MST1: variants seen among roughly 807,000 people sequenced by gnomAD.
MST1 encodes macrophage stimulating 1.
A neutral mutation model predicts 100.1 loss-of-function variants in MST1; 76 were observed. The observed-to-expected ratio is 0.76, with a 90% CI of 0.63 to 0.92. MST1 has a LOEUF of 0.92. Among genes scored for constraint, MST1 ranks in the 40% least tolerant of loss-of-function variants. The pLI is 0.00. For missense variants in MST1, 850 were observed against 990.0 expected (o/e 0.86, Z 1.90); for synonymous variants, 352 against 385.4 (o/e 0.91, Z 1.01).
rs1336545300 is a variant in MST1, at chr3:49,687,566, G to A, written c.345C>T (p.Phe115=). Residue 115 remains phenylalanine (F), a synonymous_variant, in exon 3 of 18, where the codon TTC becomes TTT. Transcript: ENST00000449682. ...RLRRSGRCDL[F]QKKDYVRTCI... is the part of the protein sequence containing the mutation. The stretch of plus-strand genomic sequence containing the variant: ...TCCACCCCCACTTGCCTTTCTTCTG[G>A]AAGAGGTCACAGCGCCCAGAACGCC... 1 of 1,613,508 alleles carries A rather than the reference G, an allele frequency of 6.2e-7. No homozygotes were observed. Among genetic ancestry groups the A allele is most frequent in the East Asian group, 2.2e-5 (1 of 44,886 alleles).
chr3:49,684,867 C>T lies in MST1; in HGVS notation c.1640G>A (p.Gly547Asp). Residue 547 changes from glycine to aspartate, a missense_variant, in exon 15 of 18, where the codon GGC becomes GAC. Physicochemically the swap from Gly to Asp is moderately conservative, Grantham distance 94. Around this residue, in one of 2 missense-constraint regions of MST1, gnomAD observed 816 missense variants for 924.6 expected, o/e 0.88. Transcript: ENST00000449682. ...CFSSCHMPLTGYEVWLGTLFQ... is the reference protein window; with the variant it reads ...CFSSCHMPLTDYEVWLGTLFQ... ...CAGGGTGCCCAACCATACCTCATAG[C>T]CCGTGAGAGGCATATGGCTGGGAGA... The T allele has an allele frequency of 6.2e-7, 1 of 1,613,496 alleles. No homozygotes were observed. Among genetic ancestry groups the T allele is most frequent in the Non-Finnish European group, 8.5e-7 (1 of 1,179,746 alleles).
At position 49,684,126 on chromosome 3, in the gene MST1, T is replaced by C. The variant is rs1369419373; in HGVS notation, c.2080A>G (p.Ile694Val). 3.1e-6 allele frequency: 5 copies of C among 1,613,508 alleles called. No individual in the cohort carries two copies. In the South Asian group the frequency reaches 3.3e-5, roughly 11 times the overall value. The change falls in exon 18 of 18, where the codon ATC (isoleucine) becomes GTC (valine). Residue 694 changes from isoleucine (I) to valine (V), a missense_variant. This residue lies in a region of MST1 where 816 missense variants were observed against 924.6 expected (regional missense o/e 0.88). Transcript: ENST00000449682. Reference protein sequence around the residue: ...HNCWVLEGIIIPNRVCARSRW... With the variant: ...HNCWVLEGIIVPNRVCARSRW... ...GACCTTGCGCATACTCGGTTGGGGA[T>C]TATAATTCCTTCCAGGACCCAGCAG...
rs575861028 is a variant in MST1, at chr3:49,687,589, G to C, written c.322C>G (p.Arg108Gly). 1 of 1,613,414 alleles carries C rather than the reference G, an allele frequency of 6.2e-7. No homozygotes were observed. The highest frequency in any genetic ancestry group is 8.5e-7 in the Non-Finnish European group (1 of 1,179,868). ...TQHSPHTRLR[R>G]SGRCDLFQKK... ...TGGAAGAGGTCACAGCGCCCAGAAC[G>C]CCGCAGCCTCGTGTGGGGCGAGTGT... The change falls in exon 3 of 18, where the codon CGT (arginine) becomes GGT (glycine). Residue 108 changes from arginine (R) to glycine (G), a missense_variant. Physicochemically the swap from Arg to Gly is moderately radical, Grantham distance 125. Around this residue, in one of 2 missense-constraint regions of MST1, gnomAD observed 816 missense variants for 924.6 expected, o/e 0.88. Transcript: ENST00000449682.
intron 8 of MST1, 22 bp from the exon 9 acceptor site, chr3:49,686,214 C>T (rs1472476126): frequency 6.8e-6 from 11 of 1,610,572 alleles, no homozygotes; most frequent in Non-Finnish European, 9.3e-6. Context: ...CTCCACTCAG[C>T]CCTAGCCCGC....
intron 17 of MST1, 39 bp downstream of exon 17, chr3:49,684,275 C>G (rs1445025729): frequency 1.2e-6 from 2 of 1,611,946 alleles, no homozygotes; most frequent in Non-Finnish European, 1.7e-6. Flanking sequence ...TCTAGCCCCC[C>G]ATACCCTTCC....
Position 49,684,972 on chromosome 3 carries a change from G to A in MST1, c.1622+40C>T, listed in dbSNP as rs749623546. 1.9e-6 allele frequency: 3 copies of A among 1,612,948 alleles called. No individual in the cohort carries two copies. In the African/African-American group the frequency reaches 4.0e-5, roughly 22 times the overall value. On this transcript the variant is annotated intron_variant, in intron 14 of 17. Transcript: ENST00000449682. ...TTAGCTTGCCTGGGGAAGGGGGAAGGTGGGATGAGACTGGGTCCCCAAACA... is the reference window on the plus strand; with the variant it reads ...TTAGCTTGCCTGGGGAAGGGGGAAGATGGGATGAGACTGGGTCCCCAAACA...
chr3:49,686,013 G>A (rs762510641), intron 9 of MST1, 49 bp downstream of exon 9: 20 of 1,604,114 alleles, frequency 1.2e-5, no homozygotes, highest in Non-Finnish European at 1.4e-5. Flanking sequence ...CCGGCCCTCC[G>A]GTTCCAGGCT....
rs537579759 is a variant in MST1, at chr3:49,686,173, A to C, written c.1036T>G (p.Cys346Gly). 1.2e-6 allele frequency: 2 copies of C among 1,611,666 alleles called. No individual in the cohort carries two copies. The change falls in exon 9 of 18, where the codon TGC becomes GGC. Residue 346 changes from cysteine (C) to glycine (G), a missense_variant. Cys to Gly is a radical substitution (Grantham distance 159). Transcript: ENST00000449682. ...GCCTCTGAGCCGTCGGGGTTCCGGCAGAAGTTCTCCCGAAGGTCTCTAAGC... is the reference window on the plus strand; with the variant it reads ...GCCTCTGAGCCGTCGGGGTTCCGGCCGAAGTTCTCCCGAAGGTCTCTAAGC... ...YACKDLRENF[C>G]RNPDGSEAPW...
rs374107951 is a variant in MST1 at position 49,688,532 on chromosome 3, T to C, written c.94+66A>G. 6.9e-6 allele frequency: 11 copies of C among 1,587,364 alleles called. No homozygotes were observed. In the East Asian group the frequency reaches 9.0e-5, roughly 13 times the overall value. ...TGGCTCCCCGACTTTTTTCTCATCCTAGAATAGGAGAATGGGGCCAACCCC... is the reference window on the plus strand; with the variant it reads ...TGGCTCCCCGACTTTTTTCTCATCCCAGAATAGGAGAATGGGGCCAACCCC... On this transcript the variant is annotated intron_variant, in intron 1 of 17. Transcript: ENST00000449682.
chr3:49,685,067 C>T lies in MST1; in HGVS notation c.1567G>A (p.Gly523Arg), dbSNP rs201558559. The T allele has an allele frequency of 3.7e-6, 6 of 1,611,420 alleles. No homozygotes were observed. The highest frequency in any genetic ancestry group is 4.2e-6 in the Non-Finnish European group (5 of 1,179,082). The change falls in exon 14 of 18, where the codon GGG becomes AGG. Residue 523 changes from glycine (G) to arginine (R), a missense_variant. Physicochemically the swap from Gly to Arg is moderately radical, Grantham distance 125 (BLOSUM62 -2). Around this residue, in one of 2 missense-constraint regions of MST1, gnomAD observed 816 missense variants for 924.6 expected, o/e 0.88. Transcript: ENST00000449682. ...RNRQGQHFCG[G>R]SLVKEQWILT... ...ATCCACTGCTCCTTCACTAGAGACC[C>T]CCCGCAGAAATGCTGGCCCTGCCTA... is the stretch of plus-strand genomic sequence containing the variant.
Position 49,684,955 on chromosome 3 carries a change from C to T in MST1, c.1622+57G>A, listed in dbSNP as rs1229561390. ...GCCCCAAGGCTCACTTGTTAGCTTG[C>T]CTGGGGAAGGGGGAAGGTGGGATGA... On this transcript the variant is annotated intron_variant, in intron 14 of 17. Coordinates refer to ENST00000449682, the MANE Select transcript of MST1 (RefSeq NM_020998.4). 3.7e-6 allele frequency: 6 copies of T among 1,613,178 alleles called. No individual in the cohort carries two copies. The East Asian group carries it at 1.3e-4, about 36-fold the overall frequency.
rs377644714 is a variant in MST1, at chr3:49,687,591, C to A, written c.320G>T (p.Arg107Leu). The change falls in exon 3 of 18, where the codon CGG becomes CTG. Residue 107 changes from arginine to leucine, a missense_variant. Coordinates refer to ENST00000449682, the MANE Select transcript of MST1 (RefSeq NM_020998.4). Reference protein sequence around the residue: ...WTQHSPHTRLRRSGRCDLFQK... With the variant: ...WTQHSPHTRLLRSGRCDLFQK... The stretch of plus-strand genomic sequence containing the variant: ...GAAGAGGTCACAGCGCCCAGAACGC[C>A]GCAGCCTCGTGTGGGGCGAGTGTTG... 5.0e-6 allele frequency: 8 copies of A among 1,613,420 alleles called. No homozygotes were observed. The highest frequency in any genetic ancestry group is 6.8e-6 in the Non-Finnish European group (8 of 1,179,868).
At position 49,685,462 on chromosome 3, in the gene MST1, A is replaced by G. The variant is rs375173826; in HGVS notation, c.1423+9T>C. 17 of 1,613,396 alleles carry G rather than the reference A, an allele frequency of 1.1e-5. No homozygotes were observed. Among genetic ancestry groups the G allele is most frequent in the Non-Finnish European group, 1.4e-5 (16 of 1,179,804 alleles). On this transcript the variant is annotated intron_variant, in intron 12 of 17. Coordinates refer to ENST00000449682, the MANE Select transcript of MST1 (RefSeq NM_020998.4). ...AAGGGCCTGACCCATAACTGGCCCA[A>G]CTCCTAACCTGGGGGGTCCAGGATT...
At chr3:49,686,860 C>A in intron 6 of MST1, 58 bp from the exon 7 acceptor site, 1 of 1,612,232 alleles carries the variant, frequency 6.2e-7, no homozygotes, top group Non-Finnish European at 8.5e-7. Flanking sequence ...TCTGGCCCCG[C>A]CCAATTGCCC....
At chr3:49,685,211 G>A in intron 13 of MST1, 51 bp downstream of exon 13, 1 of 1,610,182 alleles carries the variant, frequency 6.2e-7, no homozygotes, top group Non-Finnish European at 8.5e-7. Flanking sequence ...GATAACCACA[G>A]AGGACACAAC....
chr3:49,687,917 G>A lies in MST1; in HGVS notation c.95-20C>T, dbSNP rs533280984. 9 of 1,609,808 alleles carry A rather than the reference G, an allele frequency of 5.6e-6. No homozygotes were observed. The East Asian group carries it at 1.8e-4, about 32-fold the overall frequency. Reference sequence around the variant, plus strand: ...GCTGCCCTGCAGAGTAGGCATGAGTGGGTGCAGGTCAGGTGGGCATACATG... The same window carrying A: ...GCTGCCCTGCAGAGTAGGCATGAGTAGGTGCAGGTCAGGTGGGCATACATG... On this transcript the variant is annotated intron_variant, in intron 1 of 17. Coordinates refer to ENST00000449682, the MANE Select transcript of MST1 (RefSeq NM_020998.4).
At position 49,684,725 on chromosome 3, in the gene MST1, G is replaced by T. The variant is rs1419077954; in HGVS notation, c.1769+13C>A. The T allele has an allele frequency of 6.2e-7, 1 of 1,613,194 alleles. No homozygotes were observed. Among genetic ancestry groups the T allele is most frequent in the African/African-American group, 1.3e-5 (1 of 74,922 alleles). On this transcript the variant is annotated intron_variant, in intron 15 of 17. Transcript: ENST00000449682. ...CCAGCCCCACCTCACACCCTCCCAG[G>T]TTGTCCACATACCTCTCCAGCTTGA...
chr3:49,686,423 A>G lies in MST1; in HGVS notation c.906T>C (p.Gly302=). Residue 302 remains glycine, a synonymous_variant, in exon 8 of 18, where the codon GGT becomes GGC. Coordinates refer to ENST00000449682, the MANE Select transcript of MST1 (RefSeq NM_020998.4). ...TATTGGCTGTGCCCCGGTAGCCCTC[A>G]CCCTTCCCGCGGAAGCAGCTGACAG... The part of the protein sequence containing the change: ...ATTVSCFRGK[G]EGYRGTANTT... 6.2e-7 allele frequency: 1 copy of G among 1,611,210 alleles called. No individual in the cohort carries two copies.
rs1381979617 is a variant in MST1, at chr3:49,686,429, C to T, written c.900G>A (p.Gly300=). The change falls in exon 8 of 18, where the codon GGG becomes GGA. Residue 300 remains glycine, a synonymous_variant. Transcript: ENST00000449682. The stretch of plus-strand genomic sequence containing the variant: ...CTGTGCCCCGGTAGCCCTCACCCTT[C>T]CCGCGGAAGCAGCTGACAGTTGTGG... ...QEATTVSCFR[G]KGEGYRGTAN... 1.1e-5 allele frequency: 17 copies of T among 1,612,788 alleles called. No homozygotes were observed. The African/African-American group carries it at 2.3e-4, about 22-fold the overall frequency.
Sources: allele counts gnomAD v4.1 joint callset, GRCh38; gene constraint gnomAD v4.1.1; regional missense constraint gnomAD v4.1.1; transcripts MANE v1.5; gene names NCBI Gene and HGNC (gene_info 2026-07-23, HGNC 2026-07-21).